FHIT: variants seen among roughly 807,000 people sequenced by gnomAD.
The protein encoded by FHIT is fragile histidine triad diadenosine triphosphatase.
Under a neutral mutation model 17.9 loss-of-function variants are expected in FHIT, and 19 were observed. The ratio of observed to expected loss-of-function variants is 1.06; its 90% CI spans 0.74 to 1.56. The LOEUF is 1.56. Among genes scored for constraint, FHIT ranks in the 40% most tolerant of loss-of-function variants. The pLI is 0.00. For synonymous variants in FHIT, 81 were observed against 69.7 expected, an observed-to-expected ratio of 1.16 and a Z score of -0.81; for missense variants, 248 against 189.2, an observed-to-expected ratio of 1.31 and a Z score of -1.82.
At chr3:60,141,604 A>G (rs1700041964) in intron 5 of FHIT, among the ~76,000 whole-genome samples, 1 of 152,198 alleles carries the variant, frequency 6.6e-6, no homozygotes. Flanking sequence ...GTGATATGTC[A>G]ACAAATATAT....
At chr3:60,968,240 T>A (rs1709842921) in intron 3 of FHIT, among the ~76,000 whole-genome samples, 1 of 152,202 alleles carries the variant, frequency 6.6e-6, no homozygotes, top group African/African-American at 2.4e-5. Context: ...CACACTAGAA[T>A]GCATAAACGT....
intron 3 of FHIT, among the ~76,000 whole-genome samples, chr3:60,933,916 T>C (rs13094263): frequency 0.3 from 45,728 of 152,070 alleles, 8,185 homozygotes; most frequent in Non-Finnish European, 0.41. Context: ...CACTCTCCAG[T>C]GGTGTGACCC....
intron 4 of FHIT, among the ~76,000 whole-genome samples, chr3:60,611,041 A>G (rs907430423): frequency 6.6e-6 from 1 of 152,198 alleles, no homozygotes; most frequent in African/African-American, 2.4e-5. Flanking sequence ...AGACAACACC[A>G]TAAGGCTCTA....
At chr3:60,347,824 T>A (rs1030336028) in intron 5 of FHIT, among the ~76,000 whole-genome samples, 3 of 152,068 alleles carry the variant, frequency 2.0e-5, no homozygotes, top group African/African-American at 7.2e-5. Flanking sequence ...AATAGCACGA[T>A]CTTGGCTCAC....
At chr3:60,393,978 G>T (rs192714832) in intron 5 of FHIT, among the ~76,000 whole-genome samples, 1 of 152,104 alleles carries the variant, frequency 6.6e-6, no homozygotes, top group East Asian at 1.9e-4. Context: ...TCTAAAGAAA[G>T]CTGGACCAAG....
intron 8 of FHIT, among the ~76,000 whole-genome samples, chr3:59,871,762 T>A (rs961966724): frequency 6.6e-5 from 10 of 152,170 alleles, no homozygotes; most frequent in African/African-American, 2.4e-4. Context: ...GTAGCCTAAT[T>A]TCCTTTTCCA....
chr3:60,476,467 C>G (rs566402169), intron 5 of FHIT, among the ~76,000 whole-genome samples: 1 of 152,258 alleles, frequency 6.6e-6, no homozygotes, highest in South Asian at 2.1e-4. Context: ...ATAGGGAGAG[C>G]TCTGGTCATG....
intron 4 of FHIT, among the ~76,000 whole-genome samples, chr3:60,615,986 C>A (rs1427649462): frequency 1.3e-5 from 2 of 152,180 alleles, no homozygotes; most frequent in East Asian, 3.8e-4. Context: ...CATTGCTGTA[C>A]ATTGAGAGAT....
chr3:60,343,549 C>A (rs1211768826), intron 5 of FHIT, among the ~76,000 whole-genome samples: 1 of 152,222 alleles, frequency 6.6e-6, no homozygotes, highest in Non-Finnish European at 1.5e-5. Flanking sequence ...TTCCTAACAC[C>A]ACTTTCCCCA....
At chr3:60,710,032 G>A (rs1205423895) in intron 4 of FHIT, among the ~76,000 whole-genome samples, 3 of 141,808 alleles carry the variant, frequency 2.1e-5, no homozygotes, top group East Asian at 4.2e-4. Flanking sequence ...GTACACAGCA[G>A]CAGTTCTTTC....
chr3:61,036,517 G>A (rs1001278304), intron 3 of FHIT, among the ~76,000 whole-genome samples: 2 of 152,054 alleles, frequency 1.3e-5, no homozygotes, highest in Admixed American at 6.5e-5. Flanking sequence ...CCAAAAGCTT[G>A]GCATTCTGCT....
intron 2 of FHIT, among the ~76,000 whole-genome samples, chr3:61,194,799 T>G (rs1163671008): frequency 6.6e-6 from 1 of 152,186 alleles, no homozygotes; most frequent in Non-Finnish European, 1.5e-5. Context: ...AATACTTACC[T>G]ACTTCAGAGG....
intron 4 of FHIT, among the ~76,000 whole-genome samples, chr3:60,610,753 T>A (rs2038760021): frequency 6.6e-6 from 1 of 152,180 alleles, no homozygotes; most frequent in Non-Finnish European, 1.5e-5. Context: ...AAGATGTAAT[T>A]TACTGGAAGC....
chr3:59,764,234 G>A (rs1229847478), intron 8 of FHIT, among the ~76,000 whole-genome samples: 2 of 152,180 alleles, frequency 1.3e-5, no homozygotes, highest in Admixed American at 6.5e-5. Flanking sequence ...CAAGGATGCA[G>A]GCTGACCTCA....
At chr3:60,076,545 TCTGCTG>T (rs1703016216) in intron 5 of FHIT, among the ~76,000 whole-genome samples, 1 of 152,004 alleles carries the variant, frequency 6.6e-6, no homozygotes, top group African/African-American at 2.4e-5. Flanking sequence ...TACTTCTGCT[TCTGCTG>T]CTGCTGCTTT....
At chr3:60,690,160 G>C (rs563689863) in intron 4 of FHIT, 6 of 438,530 alleles carry the variant, frequency 1.4e-5, no homozygotes, top group African/African-American at 8.1e-5. Context: ...ATGGGGTGGA[G>C]GGGTGCTCCC....
intron 7 of FHIT, among the ~76,000 whole-genome samples, chr3:60,005,152 C>A (rs1699874161): frequency 6.6e-6 from 1 of 152,172 alleles, no homozygotes; most frequent in African/African-American, 2.4e-5. Flanking sequence ...GCTTCAGGAT[C>A]TCTCTCATCT....
chr3:61,170,658 G>A (rs2037976258), intron 2 of FHIT, among the ~76,000 whole-genome samples: 2 of 152,094 alleles, frequency 1.3e-5, no homozygotes, highest in Admixed American at 1.3e-4. Context: ...GTTTGCTAAG[G>A]ATAATGGCCT....
chr3:60,505,616 T>C (rs1335629595), intron 5 of FHIT, among the ~76,000 whole-genome samples: 1 of 152,200 alleles, frequency 6.6e-6, no homozygotes, highest in East Asian at 1.9e-4. Context: ...CCAAGGTTTC[T>C]TCCAGCATAT....
Sources: allele counts gnomAD v4.1 joint callset (sites outside exome capture counted in the v4.1 genomes callset), GRCh38; gene constraint gnomAD v4.1.1; transcripts MANE v1.5; gene names NCBI Gene and HGNC (gene_info 2026-07-23, HGNC 2026-07-21).